DYNC2I1: variants seen among roughly 807,000 people sequenced by gnomAD.
DYNC2I1 encodes the protein cytoplasmic dynein 2 intermediate chain 1.
A neutral mutation model predicts 133.4 loss-of-function variants in DYNC2I1; 89 were observed. That is an observed-to-expected ratio of 0.67 (90% confidence interval 0.56 to 0.80). The LOEUF is 0.80. Ranked by LOEUF, DYNC2I1 falls within the 30% of genes least tolerant of loss-of-function variation. The pLI, the probability that DYNC2I1 is intolerant of heterozygous loss-of-function variation, is 0.00. For synonymous variants in DYNC2I1, 504 were observed against 484.3 expected (o/e 1.04, Z -0.54); for missense variants, 1,291 against 1,314.5 (o/e 0.98, Z 0.28).
Position 158,901,733 on chromosome 7 carries a change from C to G in DYNC2I1, c.1060-6C>G. 6.4e-7 allele frequency: 1 copy of G among 1,559,056 alleles called. No homozygotes were observed. Among genetic ancestry groups the G allele is most frequent in the South Asian group, 1.2e-5 (1 of 81,848 alleles). ...TTTTGGTTTTGTGTTTGATTTTTAC[C>G]TCTAGGAAATTGAAAAGGAAGAAAC... On this transcript the variant is annotated splice_region_variant and splice_polypyrimidine_tract_variant and intron_variant, in intron 8 of 24. Transcript: ENST00000407559.
intron 14 of DYNC2I1, among the ~76,000 whole-genome samples, chr7:158,917,744 C>G (rs13226825): frequency 1.8e-5 from 2 of 108,702 alleles, no homozygotes; most frequent in African/African-American, 3.8e-5. Flanking sequence ...TCACTAAACA[C>G]TCCTTTTCTT....
intron 11 of DYNC2I1, among the ~76,000 whole-genome samples, chr7:158,910,067 A>G (rs1307175544): frequency 1.3e-5 from 2 of 152,210 alleles, no homozygotes; most frequent in African/African-American, 4.8e-5. Flanking sequence ...CTGTGTGGCG[A>G]TAACAGTAAA....
chr7:158,880,197 A>G (rs2129478867), intron 5 of DYNC2I1, among the ~76,000 whole-genome samples: 1 of 152,338 alleles, frequency 6.6e-6, no homozygotes, highest in East Asian at 1.9e-4. Context: ...TATTTTGATT[A>G]TATCGTGAAT....
chr7:158,855,992 A>G (rs1470443763), upstream of DYNC2I1, among the ~76,000 whole-genome samples: 1 of 130,118 alleles, frequency 7.7e-6, no homozygotes, highest in Non-Finnish European at 1.5e-5. Flanking sequence ...CCCAGGTTGG[A>G]GTGCAGTGGC....
intron 1 of DYNC2I1, among the ~76,000 whole-genome samples, chr7:158,864,986 G>T (rs1842273285): frequency 6.6e-6 from 1 of 152,256 alleles, no homozygotes; most frequent in Admixed American, 6.5e-5. Context: ...AGTCTGCCCA[G>T]CTGTCGGAGG....
At chr7:158,880,280 T>C (rs953268166) in intron 5 of DYNC2I1, among the ~76,000 whole-genome samples, 3 of 152,218 alleles carry the variant, frequency 2.0e-5, no homozygotes, top group African/African-American at 4.8e-5. Flanking sequence ...CTCATGCCTG[T>C]CATCCCAGCA....
At chr7:158,840,969 A>G in the DYNC2I1 span, among the ~76,000 whole-genome samples, 1 of 152,024 alleles carries the variant, frequency 6.6e-6, no homozygotes, top group Non-Finnish European at 1.5e-5. Flanking sequence ...CCACCAGCCC[A>G]TCCTGCAACA....
chr7:158,841,199 A>G, the DYNC2I1 span, among the ~76,000 whole-genome samples: 1 of 33,794 alleles, frequency 3.0e-5, no homozygotes, highest in African/African-American at 1.2e-4. Flanking sequence ...ATATATATAT[A>G]TATATATATA....
chr7:158,846,884 C>T, the DYNC2I1 span, among the ~76,000 whole-genome samples: 1 of 152,106 alleles, frequency 6.6e-6, no homozygotes, highest in Non-Finnish European at 1.5e-5. Flanking sequence ...TATTTGAAAA[C>T]AGGAAAATGA....
Position 158,945,684 on chromosome 7 carries a change from A to C in DYNC2I1, c.3106A>C (p.Lys1036Gln), listed in dbSNP as rs1284756586. Reference protein sequence around the residue: ...ASGSIDIQHLKRRWAAPEVDE... With the variant: ...ASGSIDIQHLQRRWAAPEVDE... Reference sequence around the variant, plus strand: ...TGGCTCCATCGACATCCAGCACCTGAAGAGGCGGTGGGCGGCCCCGGAGGT... The same window carrying C: ...TGGCTCCATCGACATCCAGCACCTGCAGAGGCGGTGGGCGGCCCCGGAGGT... The change falls in exon 25 of 25, where the codon AAG becomes CAG. Residue 1036 changes from lysine (K) to glutamine (Q), a missense_variant. Lys to Gln is a moderately conservative substitution (Grantham distance 53). Coordinates refer to ENST00000407559, the MANE Select transcript of DYNC2I1 (RefSeq NM_018051.5). The surrounding 1 kb of genome is among the most constrained non-coding windows in gnomAD (Gnocchi z 4.1). The C allele has an allele frequency of 6.2e-7, 1 of 1,612,662 alleles. No individual in the cohort carries two copies. The highest frequency in any genetic ancestry group is 8.5e-7 in the Non-Finnish European group (1 of 1,179,488).
chr7:158,956,633 A>G (rs6952086), exon 5 of DYNC2I1: 26,077 of 152,282 alleles, frequency 0.17, 2,458 homozygotes, highest in African/African-American at 0.22. Flanking sequence ...CAGGGCTTGG[A>G]GCCGGAACCT....
At chr7:158,859,692 G>A (rs1052476476) in intron 1 of DYNC2I1, among the ~76,000 whole-genome samples, 2 of 152,056 alleles carry the variant, frequency 1.3e-5, no homozygotes, top group African/African-American at 2.4e-5. Context: ...TAGCAGAGAC[G>A]GGATTTCATC....
At chr7:158,849,009 C>T in the DYNC2I1 span, among the ~76,000 whole-genome samples, 1 of 152,040 alleles carries the variant, frequency 6.6e-6, no homozygotes, top group Non-Finnish European at 1.5e-5. Flanking sequence ...TGTATTTGCC[C>T]CAGATTGGAG....
At chr7:158,915,394 G>C (rs375212791) in intron 14 of DYNC2I1, among the ~76,000 whole-genome samples, 8 of 111,150 alleles carry the variant, frequency 7.2e-5, no homozygotes, top group Non-Finnish European at 1.1e-4. Flanking sequence ...TCGACATGCT[G>C]GTTGACATTA....
intron 8 of DYNC2I1, among the ~76,000 whole-genome samples, chr7:158,898,175 A>G (rs1188955): frequency 0.36 from 54,689 of 151,980 alleles, 9,957 homozygotes; most frequent in East Asian, 0.57. Flanking sequence ...TATCATGGTG[A>G]ATTATATGCC....
chr7:158,915,951 T>A lies in DYNC2I1; in HGVS notation c.1791+1630T>A, dbSNP rs75425502. ...GACATTAAGGATGATTGTGAAACGT[T>A]GACACAGTGGTTGACATTAAGGATG... On this transcript the variant is annotated intron_variant, in intron 14 of 24. Transcript: ENST00000407559. 1.0e-4 allele frequency among the ~76,000 whole-genome samples: 6 copies of A among 58,132 alleles called. No homozygotes were observed. The South Asian group carries it at 1.8e-3, about 17-fold the overall frequency. 38.1% of individuals were successfully genotyped at this position (58,132 alleles called of 152,430 possible). A position where few individuals can be genotyped will look rare whatever the true frequency, so the allele number is the denominator to read the frequency against.
intron 14 of DYNC2I1, among the ~76,000 whole-genome samples, chr7:158,918,082 T>A (rs1367867822): frequency 6.6e-6 from 1 of 152,120 alleles, no homozygotes; most frequent in African/African-American, 2.4e-5. Context: ...CTGTCACTTC[T>A]CACTCAGTAT....
intron 8 of DYNC2I1, among the ~76,000 whole-genome samples, chr7:158,895,232 T>G (rs1339356445): frequency 6.6e-6 from 1 of 152,248 alleles, no homozygotes. Flanking sequence ...ATACCTAAAG[T>G]CATCTAGATT....
At chr7:158,922,304 T>C in intron 15 of DYNC2I1, 73 bp from the exon 16 acceptor site, 1 of 1,477,762 alleles carries the variant, frequency 6.8e-7, no homozygotes, top group Non-Finnish European at 9.3e-7. Flanking sequence ...TTTTTGAGTA[T>C]TCGGAAGTGT....
Sources: gnomAD v4.1 joint callset for allele counts (sites outside exome capture counted in the v4.1 genomes callset) on GRCh38, gnomAD v4.1.1 for gene constraint, Gnocchi (gnomAD v3.1) non-coding constraint, MANE v1.5 for transcripts, NCBI Gene and HGNC (gene_info 2026-07-23, HGNC 2026-07-21) for gene names.